Variants in NRG3 observed in about 807,000 individuals in gnomAD.
The protein encoded by NRG3 is neuregulin 3, also known as pro-neuregulin-3, membrane-bound isoform.
A neutral mutation model predicts 66.9 loss-of-function variants in NRG3; 31 were observed. That is an observed-to-expected ratio of 0.46 (90% CI 0.35 to 0.63). The LOEUF (loss-of-function observed/expected upper bound fraction) is 0.63, where lower values mean the gene tolerates loss of function less well. Ranked by LOEUF, NRG3 falls within the 20% of genes least tolerant of loss-of-function variation. The pLI is 0.00. For missense variants in NRG3, 910 were observed against 878.9 expected (o/e 1.04, Z -0.45); for synonymous variants, 393 against 359.4 (o/e 1.09, Z -1.06).
At chr10:82,723,876 A>C (rs1340330725) in intron 2 of NRG3, among the ~76,000 whole-genome samples, 1 of 152,104 alleles carries the variant, frequency 6.6e-6, no homozygotes, top group African/African-American at 2.4e-5. Context: ...GCTACTTGGG[A>C]GGTTGAGACA....
At chr10:82,458,668 C>T (rs954509109) in intron 2 of NRG3, among the ~76,000 whole-genome samples, 2 of 152,126 alleles carry the variant, frequency 1.3e-5, no homozygotes, top group African/African-American at 4.8e-5. Flanking sequence ...GTAAGATAGA[C>T]CTGGGTTTAA....
At chr10:82,611,427 C>A (rs1225332820) in intron 2 of NRG3, among the ~76,000 whole-genome samples, 1 of 152,056 alleles carries the variant, frequency 6.6e-6, no homozygotes, top group African/African-American at 2.4e-5. Flanking sequence ...AGCCCCTCCA[C>A]CCCTGGACAG....
At chr10:82,480,557 A>C (rs1183310935) in intron 2 of NRG3, among the ~76,000 whole-genome samples, 2 of 152,200 alleles carry the variant, frequency 1.3e-5, no homozygotes, top group Non-Finnish European at 2.9e-5. Context: ...ATAACTCCCC[A>C]AATCAGAGTG....
intron 1 of NRG3, among the ~76,000 whole-genome samples, chr10:82,274,263 T>C (rs370640478): frequency 8.5e-4 from 130 of 152,194 alleles, no homozygotes; most frequent in Non-Finnish European, 1.3e-3. Flanking sequence ...CAAAATATGG[T>C]GGCAGAGTGT....
At chr10:82,807,520 A>C (rs1034900894) in intron 3 of NRG3, among the ~76,000 whole-genome samples, 1 of 152,172 alleles carries the variant, frequency 6.6e-6, no homozygotes, top group Non-Finnish European at 1.5e-5. Context: ...CAGAGTTAGG[A>C]TGTGAACACA....
At position 82,430,822 on chromosome 10, in the gene NRG3, C is replaced by T. The variant is rs1195035067; in HGVS notation, c.953+71954C>T. On this transcript the variant is annotated intron_variant, in intron 2 of 8. Transcript: ENST00000372141. Reference sequence around the variant, plus strand: ...TCAATCACTTCAATCAATATGTTTCCGACCATCTGCCAATGGGCTCTCTAC... The same window carrying T: ...TCAATCACTTCAATCAATATGTTTCTGACCATCTGCCAATGGGCTCTCTAC... Among the ~76,000 whole-genome samples the T allele has an allele frequency of 2.0e-5, 3 of 152,196 alleles. No individual in the cohort carries two copies. The South Asian group carries it at 6.2e-4, about 32-fold the overall frequency.
chr10:81,934,882 A>G (rs528739873), intron 1 of NRG3, among the ~76,000 whole-genome samples: 2 of 152,322 alleles, frequency 1.3e-5, no homozygotes, highest in South Asian at 4.1e-4. Context: ...GCCTGTTAGC[A>G]TATTATGACA....
chr10:82,924,821 G>A (rs1390960021), intron 4 of NRG3, among the ~76,000 whole-genome samples: 1 of 152,104 alleles, frequency 6.6e-6, no homozygotes, highest in Non-Finnish European at 1.5e-5. Flanking sequence ...CTTTTCAAAA[G>A]AAGATTCTTG....
intron 2 of NRG3, among the ~76,000 whole-genome samples, chr10:82,664,142 G>A (rs2052579098): frequency 1.3e-5 from 2 of 152,158 alleles, no homozygotes; most frequent in South Asian, 2.1e-4. Flanking sequence ...GAATTTGTAT[G>A]TCCATAATAT....
intron 1 of NRG3, among the ~76,000 whole-genome samples, chr10:82,157,496 G>A (rs1235131603): frequency 6.6e-6 from 1 of 151,692 alleles, no homozygotes; most frequent in African/African-American, 2.4e-5. Flanking sequence ...CAGGTTAGAG[G>A]TTTGTGTCTA....
chr10:82,568,335 TAGTTA>T (rs2045537115), intron 2 of NRG3, among the ~76,000 whole-genome samples: 2 of 152,000 alleles, frequency 1.3e-5, no homozygotes, highest in Admixed American at 1.3e-4. Context: ...AGCTTTAGTT[TAGTTA>T]ACTCTGTGAA....
At chr10:82,288,678 C>G (rs939183517) in intron 1 of NRG3, among the ~76,000 whole-genome samples, 29 of 152,166 alleles carry the variant, frequency 1.9e-4, no homozygotes, top group African/African-American at 7.0e-4. Context: ...AACTCACGAT[C>G]CAGTGGAATG....
chr10:82,123,538 G>A (rs929352869), intron 1 of NRG3, among the ~76,000 whole-genome samples: 1 of 152,112 alleles, frequency 6.6e-6, no homozygotes, highest in Non-Finnish European at 1.5e-5. Context: ...ACCCTGCTGA[G>A]GACGGACACT....
intron 1 of NRG3, among the ~76,000 whole-genome samples, chr10:82,184,890 G>A (rs2073697406): frequency 6.6e-6 from 1 of 152,138 alleles, no homozygotes; most frequent in Non-Finnish European, 1.5e-5. Context: ...ATCCCTGTGA[G>A]CCGGTAAACA....
At chr10:82,403,370 A>T (rs1245533699) in intron 2 of NRG3, among the ~76,000 whole-genome samples, 2 of 152,180 alleles carry the variant, frequency 1.3e-5, no homozygotes, top group Non-Finnish European at 2.9e-5. Context: ...CCCTTTAGCC[A>T]ACATTTTGTG....
intron 2 of NRG3, among the ~76,000 whole-genome samples, chr10:82,694,838 A>G (rs2055244033): frequency 6.6e-6 from 1 of 152,208 alleles, no homozygotes; most frequent in Non-Finnish European, 1.5e-5. Context: ...ACAAAAAACT[A>G]TGAGGAACAT....
chr10:82,087,172 T>G (rs1590059133), intron 1 of NRG3, among the ~76,000 whole-genome samples: 1 of 152,112 alleles, frequency 6.6e-6, no homozygotes, highest in Non-Finnish European at 1.5e-5. Flanking sequence ...GACAGGCTGG[T>G]GGTTTTATGA....
At chr10:82,068,596 G>C (rs937722536) in intron 1 of NRG3, among the ~76,000 whole-genome samples, 1 of 152,172 alleles carries the variant, frequency 6.6e-6, no homozygotes, top group African/African-American at 2.4e-5. Context: ...ATAAATAGGG[G>C]TTTCAATGAA....
chr10:82,443,005 A>G (rs1328851434), intron 2 of NRG3, among the ~76,000 whole-genome samples: 1 of 152,014 alleles, frequency 6.6e-6, no homozygotes, highest in South Asian at 2.1e-4. Flanking sequence ...GGAACTTTCA[A>G]TAGATACTTC....
Sources: allele counts gnomAD v4.1 joint callset (sites outside exome capture counted in the v4.1 genomes callset), GRCh38; gene constraint gnomAD v4.1.1; transcripts MANE v1.5; gene names NCBI Gene and HGNC (gene_info 2026-07-23, HGNC 2026-07-21).